The following OVCH1 variants were observed in gnomAD, a reference collection of about 807,000 sequenced individuals.
The protein encoded by OVCH1 is ovochymase-1.
Under a neutral mutation model 138.4 loss-of-function variants are expected in OVCH1, and 139 were observed. That is an observed-to-expected ratio of 1.00 (90% confidence interval 0.87 to 1.16). The LOEUF is 1.16. Among genes scored for constraint, OVCH1 ranks in the 50% most tolerant of loss-of-function variants. OVCH1 has a pLI of 0.00. For synonymous variants in OVCH1, 453 were observed against 467.8 expected (o/e 0.97, Z 0.41); for missense variants, 1,367 against 1,357.9 (o/e 1.01, Z -0.11).
chr12:29,418,944 A>G (rs1332173137), intron 3 of OVCH1, among the ~76,000 whole-genome samples: 1 of 152,278 alleles, frequency 6.6e-6, no homozygotes, highest in South Asian at 2.1e-4. Context: ...TGCAGCCTCA[A>G]ACTCTGGGCT....
intron 27 of OVCH1, chr12:29,430,864 A>G (rs1452458553): frequency 1.9e-6 from 1 of 516,970 alleles, no homozygotes; most frequent in Non-Finnish European, 3.9e-6. Context: ...TACAAAGTTC[A>G]GTTGGAGAGT....
At chr12:29,496,438 TAG>T (rs1371286860) in intron 2 of OVCH1, 116 bp downstream of exon 2, 2 of 1,121,950 alleles carry the variant, frequency 1.8e-6, no homozygotes, top group African/African-American at 3.1e-5. Flanking sequence ...AACTTTTTGG[TAG>T]AGAGCTAGAG....
intron 5 of OVCH1, among the ~76,000 whole-genome samples, chr12:29,490,041 CTT>C (rs1053772620): frequency 1.4e-4 from 22 of 151,946 alleles, no homozygotes; most frequent in Non-Finnish European, 7.4e-5. Flanking sequence ...AAGAGGAAAA[CTT>C]TGGTCAATAT....
Position 29,470,356 on chromosome 12 carries a change from T to C in OVCH1, c.1856+1446A>G, listed in dbSNP as rs184363667. Among the ~76,000 whole-genome samples the C allele has an allele frequency of 1.2e-3, 189 of 152,194 alleles. 1 individual carries two copies. Among genetic ancestry groups the C allele is most frequent in the Admixed American group, 9.5e-3 (145 of 15,272 alleles). The stretch of plus-strand genomic sequence containing the variant: ...GGTTTTAAGCCCCACATGCATTAGG[T>C]ATTTGTCCTAATGCTCTCCCTCCCC... On this transcript the variant is annotated intron_variant, in intron 16 of 27. Transcript: ENST00000318184.
At chr12:29,481,142 G>A (rs1942918862) in intron 8 of OVCH1, among the ~76,000 whole-genome samples, 1 of 151,882 alleles carries the variant, frequency 6.6e-6, no homozygotes, top group Non-Finnish European at 1.5e-5. Context: ...GTATTAACCT[G>A]TAGTTCAAAT....
intron 16 of OVCH1, among the ~76,000 whole-genome samples, chr12:29,470,341 C>T (rs1392421609): frequency 6.6e-6 from 1 of 152,002 alleles, no homozygotes. Flanking sequence ...GGTTTTAAGC[C>T]CCACATGCAT....
At chr12:29,496,202 T>G in exon 3 of OVCH1, 1 of 1,608,512 alleles carries the variant, frequency 6.2e-7, no homozygotes, top group South Asian at 1.1e-5. Flanking sequence ...GTCCAGGCAG[T>G]GTGCTGCTGT....
At chr12:29,421,556 A>G (rs1941104594) in intron 3 of OVCH1, among the ~76,000 whole-genome samples, 1 of 152,158 alleles carries the variant, frequency 6.6e-6, no homozygotes, top group Admixed American at 6.5e-5. Flanking sequence ...TCATGAAATT[A>G]TTGGTCATTG....
At chr12:29,411,699 G>A (rs1313733362), downstream of OVCH1, among the ~76,000 whole-genome samples, 2 of 152,070 alleles carry the variant, frequency 1.3e-5, no homozygotes, top group African/African-American at 4.8e-5. Context: ...CGTGTGAAGT[G>A]TCAGTCTGCC....
chr12:29,429,939 T>C (rs1229211313), intron 27 of OVCH1, among the ~76,000 whole-genome samples: 2 of 152,238 alleles, frequency 1.3e-5, no homozygotes, highest in African/African-American at 4.8e-5. Flanking sequence ...GACTTCTGTT[T>C]GGAAAAACGG....
rs186150880 is a variant in OVCH1 at position 29,432,610 on chromosome 12, G to T, written c.3327+1141C>A. On this transcript the variant is annotated intron_variant, in intron 27 of 27. Transcript: ENST00000318184. Reference sequence around the variant, plus strand: ...AGACACTTGGATATACAGTGCTAGTGTTCAATAAAGAAGCTGGGACTGGAT... The same window carrying T: ...AGACACTTGGATATACAGTGCTAGTTTTCAATAAAGAAGCTGGGACTGGAT... Among the ~76,000 whole-genome samples, 265 of 152,256 alleles carry T rather than the reference G, an allele frequency of 1.7e-3. 1 individual carries two copies. Among genetic ancestry groups the T allele is most frequent in the African/African-American group, 5.9e-3 (247 of 41,558 alleles).
Position 29,428,600 on chromosome 12 carries a change from C to T in OVCH1, c.3328-952G>A, listed in dbSNP as rs1024249417. On this transcript the variant is annotated intron_variant, in intron 27 of 27. Coordinates refer to ENST00000318184, the Ensembl canonical transcript of OVCH1. ...TTATAAATCTTCCCCTCCTCCATAC[C>T]CCAATTGCTTTATAATCTAATAAGA... Among the ~76,000 whole-genome samples the T allele has an allele frequency of 2.0e-5, 3 of 152,218 alleles. No individual in the cohort carries two copies. The South Asian group carries it at 6.2e-4, about 32-fold the overall frequency.
chr12:29,420,483 CTTTTTTTTTTTTTTTTTTTTTTTTT>C lies in OVCH1; in HGVS notation c.*71+2619_*71+2643del, dbSNP rs958610211. 4.7e-4 allele frequency among the ~76,000 whole-genome samples: 9 copies of C among 18,990 alleles called. 1 individual carries two copies. The highest frequency in any genetic ancestry group is 1.6e-3 in the African/African-American group (6 of 3,870). The allele number at this position is 18,990 out of a possible 152,430, so 12.5% of individuals were successfully genotyped here. A position where few individuals can be genotyped will look rare whatever the true frequency, so the allele number is the denominator to read the frequency against. On this transcript the variant is annotated intron_variant and NMD_transcript_variant, in intron 3 of 4. Coordinates refer to the OVCH1 transcript ENST00000539117. ...AAAAAGAGCTGGAAGGAAAAAGCAGCTTTTTTTTTTTTTTTTTTTTTTTTTTTTTTTTTTTTTTTTTTTTTGAGAC... is the reference window on the plus strand; with the variant it reads ...AAAAAGAGCTGGAAGGAAAAAGCAGCTTTTTTTTTTTTTTTTTTTTGAGAC...
intron 16 of OVCH1, among the ~76,000 whole-genome samples, chr12:29,467,941 G>T (rs878837): frequency 2.6e-5 from 4 of 151,562 alleles, no homozygotes; most frequent in South Asian, 4.2e-4. Flanking sequence ...TTACACCAGC[G>T]TATGAGCACA....
At chr12:29,495,176 A>G (rs2136098741) in intron 4 of OVCH1, 109 bp downstream of exon 4, 1 of 1,091,880 alleles carries the variant, frequency 9.2e-7, no homozygotes, top group Non-Finnish European at 1.3e-6. Flanking sequence ...AAAGAAACAA[A>G]GCTTAGCTAT....
At chr12:29,492,969 A>G (rs1943312341) in intron 4 of OVCH1, among the ~76,000 whole-genome samples, 3 of 152,200 alleles carry the variant, frequency 2.0e-5, no homozygotes, top group Admixed American at 2.0e-4. Flanking sequence ...AAAGATGGGA[A>G]TTGCGAAGTT....
At chr12:29,476,171 AAC>A (rs1290212876) in intron 13 of OVCH1, 33 bp downstream of exon 13, 5 of 1,542,194 alleles carry the variant, frequency 3.2e-6, no homozygotes, top group Non-Finnish European at 9.0e-7. Flanking sequence ...TGATTCGTCT[AAC>A]ACTTTCATAT....
intron 16 of OVCH1, among the ~76,000 whole-genome samples, chr12:29,470,061 G>GT (rs1942451597): frequency 6.6e-6 from 1 of 152,060 alleles, no homozygotes. Flanking sequence ...CGGAGATGAA[G>GT]TAAGACACAA....
Position 29,496,073 on chromosome 12 carries a change from C to T in OVCH1, c.281+108G>A, listed in dbSNP as rs544680158. ...ATCAGTGGGTGGGTACACTGGGAGG[C>T]AAAAGTAAGAAAGGGACTGAGAATG... On this transcript the variant is annotated intron_variant, in intron 3 of 27. Transcript: ENST00000318184. 3.3e-5 allele frequency: 34 copies of T among 1,025,946 alleles called. No homozygotes were observed. In the East Asian group the frequency reaches 8.2e-4, roughly 25 times the overall value. 63.6% of individuals were successfully genotyped at this position (1,025,946 alleles called of 1,614,324 possible).
Sources: gnomAD v4.1 joint callset for allele counts (sites outside exome capture counted in the v4.1 genomes callset) on GRCh38, gnomAD v4.1.1 for gene constraint, MANE v1.5 for transcripts, NCBI Gene and HGNC (gene_info 2026-07-23, HGNC 2026-07-21) for gene names.